DAB1: variants seen among roughly 807,000 people sequenced by gnomAD.
The protein encoded by DAB1 is DAB adaptor protein 1, also known as disabled homolog 1.
In DAB1, 15 loss-of-function variants were observed where a neutral mutation model predicts 64.6. That is an observed-to-expected ratio of 0.23 (90% CI 0.16 to 0.36). The LOEUF is 0.36. Ranked by LOEUF, DAB1 falls within the 10% of genes least tolerant of loss-of-function variation. The pLI is 1.00. For synonymous variants in DAB1, 235 were observed against 251.9 expected (o/e 0.93, Z 0.64); for missense variants, 596 against 706.7 (o/e 0.84, Z 1.78).
At position 58,362,297 on chromosome 1, in the gene DAB1, T is replaced by A. The variant is rs182110849; in HGVS notation, n.258-18894A>T. Among the ~76,000 whole-genome samples the A allele has an allele frequency of 5.5e-3, 836 of 152,284 alleles. 10 individuals are homozygous for A. Among genetic ancestry groups the A allele is most frequent in the African/African-American group, 0.018 (764 of 41,544 alleles). On this transcript the variant is annotated intron_variant and non_coding_transcript_variant, in intron 3 of 20. Transcript: ENST00000485760. ...ACACTTTTCTCTGGGATTTAAAAAA[T>A]TTAAACCCAGACTGCCAAGGTTGGT...
chr1:57,492,517 G>A (rs1644177419), intron 7 of DAB1, among the ~76,000 whole-genome samples: 1 of 152,176 alleles, frequency 6.6e-6, no homozygotes, highest in African/African-American at 2.4e-5. Flanking sequence ...ACATCAGCAG[G>A]TTACTAGCTA....
chr1:57,453,456 C>T (rs1380619112), intron 7 of DAB1, among the ~76,000 whole-genome samples: 1 of 152,088 alleles, frequency 6.6e-6, no homozygotes, highest in South Asian at 2.1e-4. Flanking sequence ...GAGCCCCATA[C>T]TGTTTTACTG....
intron 1 of DAB1, among the ~76,000 whole-genome samples, chr1:57,396,614 G>C (rs143057879): frequency 5.9e-5 from 9 of 152,270 alleles, no homozygotes; most frequent in South Asian, 2.1e-4. Context: ...AAGAATATGA[G>C]TTTTGAAATC....
intron 7 of DAB1, among the ~76,000 whole-genome samples, chr1:57,598,140 G>A (rs961774126): frequency 6.6e-5 from 10 of 152,104 alleles, no homozygotes; most frequent in African/African-American, 1.9e-4. Context: ...CCGCCACCAC[G>A]CCTGGCTAAT....
chr1:57,207,956 G>C (rs1218689439), intron 2 of DAB1, among the ~76,000 whole-genome samples: 3 of 152,332 alleles, frequency 2.0e-5, no homozygotes, highest in East Asian at 1.9e-4. Flanking sequence ...AATAGGCACA[G>C]TGACCTTCCT....
intron 1 of DAB1, among the ~76,000 whole-genome samples, chr1:57,337,929 T>A (rs1297778350): frequency 6.8e-6 from 1 of 147,190 alleles, no homozygotes; most frequent in Non-Finnish European, 1.5e-5. Flanking sequence ...TTCCTCCTTT[T>A]TTCTCTCTCT....
chr1:57,321,444 G>A (rs1425246217), intron 1 of DAB1, among the ~76,000 whole-genome samples: 2 of 152,200 alleles, frequency 1.3e-5, no homozygotes, highest in African/African-American at 4.8e-5. Context: ...TCTTGGCAGA[G>A]GATGTTCAAG....
At chr1:57,708,507 G>C (rs1178550023) in intron 6 of DAB1, among the ~76,000 whole-genome samples, 1 of 152,216 alleles carries the variant, frequency 6.6e-6, no homozygotes, top group Non-Finnish European at 1.5e-5. Flanking sequence ...CAAAGCAGCA[G>C]GGCTTGCCCT....
At chr1:58,118,663 A>T (rs1652544739) in intron 5 of DAB1, among the ~76,000 whole-genome samples, 1 of 146,144 alleles carries the variant, frequency 6.8e-6, no homozygotes, top group Non-Finnish European at 1.5e-5. Flanking sequence ...AATACATATG[A>T]GTGTACATAT....
intron 6 of DAB1, among the ~76,000 whole-genome samples, chr1:57,752,108 G>T (rs1002291804): frequency 1.3e-5 from 2 of 152,198 alleles, no homozygotes; most frequent in African/African-American, 4.8e-5. Flanking sequence ...TCAGAGTTCA[G>T]GCGCGGATTC....
At chr1:58,448,351 GGTAGATAACAGAAA>G (rs1645094761) in intron 3 of DAB1, among the ~76,000 whole-genome samples, 1 of 152,118 alleles carries the variant, frequency 6.6e-6, no homozygotes, top group Non-Finnish European at 1.5e-5. Flanking sequence ...AGATAAGATA[GGTAGATAACAGAAA>G]GTAGATAACA....
chr1:57,938,188 T>C (rs551506906), intron 5 of DAB1, among the ~76,000 whole-genome samples: 4 of 152,354 alleles, frequency 2.6e-5, no homozygotes, highest in Non-Finnish European at 5.9e-5. Flanking sequence ...GCACAGGGCC[T>C]TTCTGAACTT....
At chr1:57,899,868 GA>G (rs150235494) in intron 5 of DAB1, among the ~76,000 whole-genome samples, 1,607 of 152,172 alleles carry the variant, frequency 0.011, 22 homozygotes, top group African/African-American at 0.035. Flanking sequence ...GGCTGCTCAG[GA>G]AACTCATGCT....
intron 1 of DAB1, among the ~76,000 whole-genome samples, chr1:57,389,622 T>G (rs1204349015): frequency 6.6e-6 from 1 of 151,974 alleles, no homozygotes; most frequent in African/African-American, 2.4e-5. Flanking sequence ...AAATGAAGGA[T>G]GGATAAATGG....
chr1:57,553,685 T>TA (rs951224247), intron 7 of DAB1, among the ~76,000 whole-genome samples: 19 of 148,136 alleles, frequency 1.3e-4, no homozygotes, highest in East Asian at 6.0e-4. Context: ...ATAGAAAAAA[T>TA]AAAAAAAAAG....
chr1:58,284,232 C>G (rs1001808479), intron 4 of DAB1, among the ~76,000 whole-genome samples: 2 of 152,184 alleles, frequency 1.3e-5, no homozygotes, highest in Admixed American at 6.5e-5. Context: ...TGTTTTGTTT[C>G]TCTTTCTTAG....
At chr1:57,148,868 C>T (rs1366752961) in intron 2 of DAB1, among the ~76,000 whole-genome samples, 3 of 152,164 alleles carry the variant, frequency 2.0e-5, no homozygotes, top group Non-Finnish European at 2.9e-5. Context: ...ACATACTGTA[C>T]AATTCACCAT....
Position 57,441,543 on chromosome 1 carries a change from G to A in DAB1, n.626-150377C>T, listed in dbSNP as rs1463923588. 4.6e-5 allele frequency among the ~76,000 whole-genome samples: 7 copies of A among 151,716 alleles called. No individual in the cohort carries two copies. In the East Asian group the frequency reaches 5.8e-4, roughly 13 times the overall value. ...CTAATTTTTGTATTTTTGTAGAGAC[G>A]GGGCTTTTCCATGTTGTCCAGGCTG... On this transcript the variant is annotated intron_variant and non_coding_transcript_variant, in intron 7 of 20. Coordinates refer to the DAB1 transcript ENST00000485760.
intron 2 of DAB1, among the ~76,000 whole-genome samples, chr1:57,277,155 C>T (rs1432545209): frequency 3.9e-5 from 6 of 152,162 alleles, no homozygotes; most frequent in African/African-American, 1.4e-4. Flanking sequence ...TCATTTTCCA[C>T]GATTTTGAAC....
Sources: allele counts gnomAD v4.1 joint callset (sites outside exome capture counted in the v4.1 genomes callset), GRCh38; gene constraint gnomAD v4.1.1; transcripts MANE v1.5; gene names NCBI Gene and HGNC (gene_info 2026-07-23, HGNC 2026-07-21).